Variants in MSH6 observed in about 807,000 individuals in gnomAD.
The protein encoded by MSH6 is DNA mismatch repair protein Msh6.
Under a neutral mutation model 119.1 loss-of-function variants are expected in MSH6, and 85 were observed. The ratio of observed to expected loss-of-function variants is 0.71; its 90% CI spans 0.60 to 0.85. The LOEUF is 0.85. Among genes scored for constraint, MSH6 ranks in the 40% least tolerant of loss-of-function variants. The pLI, the probability that MSH6 is intolerant of heterozygous loss-of-function variation, is 0.00. For missense variants in MSH6, 2,163 were observed against 1,655.3 expected (o/e 1.31, Z -5.32); for synonymous variants, 830 against 586.9 (o/e 1.41, Z -5.99).
At chr2:47,801,861 C>T (rs1311087944) in intron 4 of MSH6, among the ~76,000 whole-genome samples, 1 of 152,080 alleles carries the variant, frequency 6.6e-6, no homozygotes, top group African/African-American at 2.4e-5. Flanking sequence ...GTTGCCCAGG[C>T]TGGTCTTGAA....
chr2:47,798,636 A>C lies in MSH6; in HGVS notation c.653A>C (p.Lys218Thr). The C allele has an allele frequency of 6.2e-7, 1 of 1,612,076 alleles. No individual in the cohort carries two copies. The highest frequency in any genetic ancestry group is 2.2e-5 in the East Asian group (1 of 44,890). Residue 218 changes from lysine (K) to threonine (T), a missense_variant, in exon 4 of 10, where the codon AAG becomes ACG. By Grantham distance (78) the Lys-to-Thr change is moderately conservative (BLOSUM62 -1). Coordinates refer to ENST00000234420, the MANE Select transcript of MSH6 (RefSeq NM_000179.3). ...MEVGTTYVTD[K>T]SEEDNEIESE... ...GTAGGCACAACTTACGTAACAGATA[A>C]GAGTGAAGAAGATAATGAAATTGAG...
At chr2:47,789,690 C>G (rs1668609026) in intron 1 of MSH6, among the ~76,000 whole-genome samples, 1 of 152,118 alleles carries the variant, frequency 6.6e-6, no homozygotes, top group South Asian at 2.1e-4. Flanking sequence ...TGTCCAAGTC[C>G]CTTATGAGAT....
chr2:47,795,969 G>A lies in MSH6; in HGVS notation c.533G>A (p.Arg178His), dbSNP rs786204186. The A allele has an allele frequency of 1.2e-5, 20 of 1,614,014 alleles. 1 individual carries two copies. Among genetic ancestry groups the A allele is most frequent in the South Asian group, 2.2e-5 (2 of 91,090 alleles). ...CCTGAAATACTGAGAGCAATGCAAC[G>A]TGCAGATGAAGCCTTAAATAAAGAC... ...AKPEILRAMQ[R>H]ADEALNKDKI... Residue 178 changes from arginine to histidine, a missense_variant, in exon 3 of 10, where the codon CGT becomes CAT. Coordinates refer to ENST00000234420, the MANE Select transcript of MSH6 (RefSeq NM_000179.3).
At position 47,800,887 on chromosome 2, in the gene MSH6, C is replaced by T. The variant is rs150683226; in HGVS notation, c.2904C>T (p.Val968=). The T allele has an allele frequency of 6.2e-7, 1 of 1,606,180 alleles. No homozygotes were observed. The highest frequency in any genetic ancestry group is 1.1e-5 in the South Asian group (1 of 89,598). Residue 968 remains valine (V), a synonymous_variant, in exon 4 of 10, where the codon GTC becomes GTT. Coordinates refer to ENST00000234420, the MANE Select transcript of MSH6 (RefSeq NM_000179.3). ...ACAGAATTGGCTGTAGGACCATAGT[C>T]TATTGGGGGATTGGTAGGAACCGTT... ...QRNRIGCRTI[V]YWGIGRNRYQ...
intron 1 of MSH6, among the ~76,000 whole-genome samples, chr2:47,788,907 C>CTTTTTTTTTTTTTT (rs1558650117): frequency 5.2e-4 from 9 of 17,276 alleles, no homozygotes; most frequent in Admixed American, 9.8e-4. Flanking sequence ...TTTCTTCTTC[C>CTTTTTTTTTTTTTT]TTTTTTTTTT....
rs773914266 is a variant in MSH6 at position 47,805,598 on chromosome 2, G to C, written c.3557-20G>C. 7.0e-7 allele frequency: 1 copy of C among 1,428,198 alleles called. No individual in the cohort carries two copies. Among genetic ancestry groups the C allele is most frequent in the South Asian group, 1.2e-5 (1 of 86,794 alleles). 88.5% of individuals were successfully genotyped at this position (1,428,198 alleles called of 1,614,324 possible). The stretch of plus-strand genomic sequence containing the variant: ...TGATTTGCAAAATGAGTATTCATTT[G>C]TGATTTTTTTTTTTTTAAGGTGAAA... On this transcript the variant is annotated intron_variant, in intron 6 of 9. Transcript: ENST00000234420.
In MSH6 at chr2:47,803,405, CCT is replaced by C. The variant is rs746607182; in HGVS notation, c.3173-10_3173-9del. 1.4e-5 allele frequency: 23 copies of C among 1,613,930 alleles called. No individual in the cohort carries two copies. The highest frequency in any genetic ancestry group is 4.0e-5 in the African/African-American group (3 of 74,880). ...CCAAACGATGAAGCCTCACTTTTAC[CCT>C]CTCTTTTAACAGATGTTTTACTGTG... On this transcript the variant is annotated splice_polypyrimidine_tract_variant and intron_variant, in intron 4 of 9. Transcript: ENST00000234420.
At chr2:47,793,344 AAAAG>A (rs1175441874) in intron 2 of MSH6, among the ~76,000 whole-genome samples, 3 of 146,586 alleles carry the variant, frequency 2.0e-5, no homozygotes, top group Non-Finnish European at 4.5e-5. Context: ...AAAAAAAAAA[AAAAG>A]GCTGGGCACG....
chr2:47,789,435 T>C, intron 1 of MSH6: 1 of 472,674 alleles, frequency 2.1e-6, no homozygotes, highest in East Asian at 6.0e-5. Flanking sequence ...AGGATGCACA[T>C]TTATCCTGTA....
chr2:47,809,073 A>C (rs144082709), downstream of MSH6: 251 of 820,062 alleles, frequency 3.1e-4, 1 homozygote, highest in African/African-American at 3.8e-3. Flanking sequence ...CAACACCGGC[A>C]AATAGCCAAA....
intron 1 of MSH6, chr2:47,783,913 G>A (rs1274837732): frequency 2.9e-6 from 3 of 1,017,220 alleles, no homozygotes; most frequent in African/African-American, 3.5e-5. Context: ...CGGGGGGCGG[G>A]GTGGCGGGAA....
chr2:47,788,036 T>C (rs1216175347), intron 1 of MSH6, among the ~76,000 whole-genome samples: 2 of 152,190 alleles, frequency 1.3e-5, no homozygotes, highest in East Asian at 3.8e-4. Context: ...TTTTGAGAAA[T>C]GTTTAAAATT....
downstream of MSH6, chr2:47,809,470 T>C: frequency 1.3e-6 from 1 of 750,686 alleles, no homozygotes; most frequent in Non-Finnish European, 2.1e-6. Flanking sequence ...AAAGCTCTGT[T>C]TCTTTCAAAA....
chr2:47,783,370 G>A lies in MSH6; in HGVS notation c.137G>A (p.Gly46Glu), dbSNP rs1572698161. The stretch of plus-strand genomic sequence containing the variant: ...CCCGGGGCCTCTCCTTCCCCAGGCG[G>A]GGATGCGGCCTGGAGCGAGGCTGGG... ...AAPGASPSPG[G>E]DAAWSEAGPG... is the part of the protein sequence containing the mutation. Residue 46 changes from glycine to glutamate, a missense_variant, in exon 1 of 10, where the codon GGG becomes GAG. Physicochemically the swap from Gly to Glu is moderately conservative, Grantham distance 98. Coordinates refer to ENST00000234420, the MANE Select transcript of MSH6 (RefSeq NM_000179.3). 1 of 1,601,970 alleles carries A rather than the reference G, an allele frequency of 6.2e-7. No individual in the cohort carries two copies. Among genetic ancestry groups the A allele is most frequent in the South Asian group, 1.1e-5 (1 of 89,892 alleles).
At chr2:47,783,907 G>C in intron 1 of MSH6, 1 of 1,018,268 alleles carries the variant, frequency 9.8e-7, no homozygotes, top group Non-Finnish European at 1.2e-6. Context: ...GCGGGGCGGG[G>C]GGCGGGGTGG....
intron 4 of MSH6, 88 bp downstream of exon 4, chr2:47,801,243 T>C: frequency 7.3e-7 from 1 of 1,370,408 alleles, no homozygotes; most frequent in Non-Finnish European, 1.0e-6. Flanking sequence ...AGTAATAAGG[T>C]ATATATGGTA....
At position 47,788,901 on chromosome 2, in the gene MSH6, TTCTTCCTTTTTTTTTTTTTTG is replaced by T. The variant is rs1488145556; in HGVS notation, c.261-2024_261-2004del. On this transcript the variant is annotated intron_variant, in intron 1 of 9. Coordinates refer to ENST00000234420, the MANE Select transcript of MSH6 (RefSeq NM_000179.3). ...ATACTGCTATTTCTTTCTTTCTTTC[TTCTTCCTTTTTTTTTTTTTTG>T]TTTTTTTTTTTTTTTTTTTTTTTTT... Among the ~76,000 whole-genome samples the T allele has an allele frequency of 2.4e-3, 133 of 55,752 alleles. 2 individuals are homozygous for T. Among genetic ancestry groups the T allele is most frequent in the African/African-American group, 5.6e-3 (72 of 12,910 alleles). 36.6% of individuals were successfully genotyped at this position (55,752 alleles called of 152,430 possible). A position where few individuals can be genotyped will look rare whatever the true frequency, so the allele number is the denominator to read the frequency against.
intron 2 of MSH6, among the ~76,000 whole-genome samples, chr2:47,793,753 C>T (rs137989074): frequency 0.037 from 5,495 of 150,164 alleles, 142 homozygotes; most frequent in Non-Finnish European, 0.054. Flanking sequence ...TTTTTTGCAG[C>T]GGAGTCCAGC....
downstream of MSH6, chr2:47,808,994 C>T (rs2104619532): frequency 9.6e-6 from 5 of 521,876 alleles, no homozygotes; most frequent in South Asian, 7.7e-5. Flanking sequence ...ACCACGCCTA[C>T]CCACAGTTAC....
Sources: allele counts gnomAD v4.1 joint callset (sites outside exome capture counted in the v4.1 genomes callset), GRCh38; gene constraint gnomAD v4.1.1; transcripts MANE v1.5; gene names NCBI Gene and HGNC (gene_info 2026-07-23, HGNC 2026-07-21).